The following GTF2F2 variants were observed in gnomAD, a reference collection of about 807,000 sequenced individuals.
The protein encoded by GTF2F2 is ATP-dependent helicase GTF2F2.
Under a neutral mutation model 42.2 loss-of-function variants are expected in GTF2F2, and 23 were observed. That is an observed-to-expected ratio of 0.55 (90% CI 0.39 to 0.77). GTF2F2 has a LOEUF of 0.77. Among genes scored for constraint, GTF2F2 ranks in the 30% least tolerant of loss-of-function variants. The probability of loss-of-function intolerance (pLI) is 0.00; values close to 1 mark genes in which losing one functional copy is unlikely to be tolerated. For missense variants in GTF2F2, 261 were observed against 287.2 expected, an observed-to-expected ratio of 0.91 and a Z score of 0.66; for synonymous variants, 105 against 100.8, an observed-to-expected ratio of 1.04 and a Z score of -0.25.
intron 2 of GTF2F2, among the ~76,000 whole-genome samples, chr13:45,139,660 C>G (rs1184178227): frequency 1.3e-5 from 2 of 152,150 alleles, no homozygotes; most frequent in Non-Finnish European, 2.9e-5. Context: ...ATTTATTCTC[C>G]TTCTACTATA....
intron 6 of GTF2F2, among the ~76,000 whole-genome samples, chr13:45,265,576 G>A: frequency 6.6e-6 from 1 of 152,104 alleles, no homozygotes; most frequent in Admixed American, 6.6e-5. Context: ...GAAGATGATT[G>A]AGTCCTTTCC....
chr13:45,192,438 T>C (rs901993419), intron 4 of GTF2F2, among the ~76,000 whole-genome samples: 1 of 152,182 alleles, frequency 6.6e-6, no homozygotes, highest in African/African-American at 2.4e-5. Context: ...ATCAAACTTT[T>C]GGCATATATG....
chr13:45,144,583 A>G (rs376619799), intron 2 of GTF2F2, among the ~76,000 whole-genome samples: 20 of 149,898 alleles, frequency 1.3e-4, no homozygotes, highest in East Asian at 1.2e-3. Flanking sequence ...CTGGGACTAC[A>G]GGCGCCCGCC....
intron 5 of GTF2F2, among the ~76,000 whole-genome samples, chr13:45,238,884 C>T (rs1272626909): frequency 7.2e-6 from 1 of 139,758 alleles, no homozygotes. Flanking sequence ...GCAAAGGTTG[C>T]GGTGAGCCGA....
intron 4 of GTF2F2, among the ~76,000 whole-genome samples, chr13:45,188,060 C>G (rs1872497853): frequency 6.6e-6 from 1 of 152,142 alleles, no homozygotes; most frequent in Non-Finnish European, 1.5e-5. Flanking sequence ...CACGCACCAC[C>G]ATGCCCAGCT....
chr13:45,218,108 C>T (rs1247989280), intron 5 of GTF2F2, among the ~76,000 whole-genome samples: 23 of 152,192 alleles, frequency 1.5e-4, no homozygotes, highest in Non-Finnish European at 8.8e-5. Context: ...TAGATTGGCC[C>T]CAAACACAAA....
intron 4 of GTF2F2, among the ~76,000 whole-genome samples, chr13:45,164,282 A>AC (rs1482947603): frequency 1.3e-5 from 2 of 152,180 alleles, no homozygotes; most frequent in Non-Finnish European, 1.5e-5. Context: ...AGTCTCAAAA[A>AC]AAAAAAAAGA....
chr13:45,160,458 CTT>C (rs969337200), intron 4 of GTF2F2, among the ~76,000 whole-genome samples: 2 of 152,182 alleles, frequency 1.3e-5, no homozygotes, highest in African/African-American at 4.8e-5. Flanking sequence ...TTTCTACTCT[CTT>C]ACATTAAATT....
intron 6 of GTF2F2, among the ~76,000 whole-genome samples, chr13:45,260,185 G>A (rs964095553): frequency 1.3e-5 from 2 of 152,148 alleles, no homozygotes; most frequent in African/African-American, 4.8e-5. Context: ...GTGTTAGTCT[G>A]CAGAACTAAG....
At chr13:45,208,671 C>A (rs1362362476) in intron 5 of GTF2F2, among the ~76,000 whole-genome samples, 1 of 152,148 alleles carries the variant, frequency 6.6e-6, no homozygotes, top group East Asian at 1.9e-4. Context: ...TGAGCTGGAT[C>A]ATCTCAAAAT....
At chr13:45,268,686 A>G (rs1876667451) in intron 7 of GTF2F2, among the ~76,000 whole-genome samples, 1 of 152,098 alleles carries the variant, frequency 6.6e-6, no homozygotes, top group Non-Finnish European at 1.5e-5. Flanking sequence ...ATTTATATAT[A>G]TAAATATATC....
At chr13:45,190,414 C>G (rs182899709) in intron 4 of GTF2F2, among the ~76,000 whole-genome samples, 23 of 152,262 alleles carry the variant, frequency 1.5e-4, no homozygotes, top group African/African-American at 5.1e-4. Flanking sequence ...TTTTCTGCCA[C>G]GTTCTAGGTG....
chr13:45,233,507 CAT>C (rs573508196), intron 5 of GTF2F2, among the ~76,000 whole-genome samples: 177 of 152,314 alleles, frequency 1.2e-3, no homozygotes, highest in African/African-American at 4.1e-3. Context: ...GCCAATTGAG[CAT>C]ATCACTGTAG....
At chr13:45,199,545 G>A (rs1229769441) in intron 4 of GTF2F2, among the ~76,000 whole-genome samples, 1 of 151,988 alleles carries the variant, frequency 6.6e-6, no homozygotes, top group South Asian at 2.1e-4. Context: ...TAACCTGTGC[G>A]TTATTATTTA....
chr13:45,181,194 A>AAC (rs1555267020), intron 4 of GTF2F2, among the ~76,000 whole-genome samples: 2 of 150,652 alleles, frequency 1.3e-5, no homozygotes, highest in African/African-American at 4.9e-5. Context: ...ACAAACAAAA[A>AAC]AAAAAAAAAC....
intron 4 of GTF2F2, among the ~76,000 whole-genome samples, chr13:45,158,409 C>T (rs1404213064): frequency 6.6e-6 from 1 of 152,170 alleles, no homozygotes; most frequent in Non-Finnish European, 1.5e-5. Flanking sequence ...TTATAAATTA[C>T]CCAGTCTTGG....
intron 4 of GTF2F2, among the ~76,000 whole-genome samples, chr13:45,181,185 C>G (rs75819273): frequency 8.0e-6 from 1 of 125,032 alleles, no homozygotes; most frequent in African/African-American, 3.7e-5. Context: ...AAAAAACAAA[C>G]AAACAAAAAA....
chr13:45,204,089 G>C (rs1464920239), intron 4 of GTF2F2, among the ~76,000 whole-genome samples: 1 of 151,952 alleles, frequency 6.6e-6, no homozygotes, highest in Non-Finnish European at 1.5e-5. Context: ...CTTATAAACA[G>C]GTTTTTTGGG....
At chr13:45,268,314 A>G (rs1028980800) in intron 7 of GTF2F2, among the ~76,000 whole-genome samples, 5 of 152,198 alleles carry the variant, frequency 3.3e-5, no homozygotes, top group African/African-American at 1.2e-4. Context: ...ACATCTTAAC[A>G]TAACCAAATA....
Sources: gnomAD v4.1 joint callset for allele counts (sites outside exome capture counted in the v4.1 genomes callset) on GRCh38, gnomAD v4.1.1 for gene constraint, MANE v1.5 for transcripts, NCBI Gene and HGNC (gene_info 2026-07-23, HGNC 2026-07-21) for gene names.